Variants in VWCE observed in about 807,000 individuals in gnomAD.
The protein encoded by VWCE is von Willebrand factor C and EGF domain-containing protein.
In VWCE, 68 loss-of-function variants were observed where a neutral mutation model predicts 102.9. The ratio of observed to expected loss-of-function variants is 0.66; its 90% CI spans 0.54 to 0.81. VWCE has a LOEUF of 0.81. Ranked by LOEUF, VWCE falls within the 30% of genes least tolerant of loss-of-function variation. VWCE has a pLI of 0.00. For synonymous variants in VWCE, 497 were observed against 515.4 expected, an observed-to-expected ratio of 0.96 and a Z score of 0.48; for missense variants, 1,137 against 1,263.6, an observed-to-expected ratio of 0.90 and a Z score of 1.52.
intron 13 of VWCE, among the ~76,000 whole-genome samples, chr11:61,272,961 C>G (rs1342938560): frequency 6.6e-6 from 1 of 151,896 alleles, no homozygotes; most frequent in Admixed American, 6.6e-5. Context: ...TACGCAGGTA[C>G]CACTAACACA....
intron 1 of VWCE, among the ~76,000 whole-genome samples, chr11:61,293,254 A>G (rs1855569770): frequency 6.7e-6 from 1 of 149,058 alleles, no homozygotes; most frequent in Non-Finnish European, 1.5e-5. Context: ...AAAAAAAAAA[A>G]AAAAAAAAAA....
chr11:61,282,755 A>C lies in VWCE; in HGVS notation c.658+34T>G, dbSNP rs762867910. On this transcript the variant is annotated intron_variant, in intron 6 of 19. Transcript: ENST00000335613. The stretch of plus-strand genomic sequence containing the variant: ...TGTCCATCCTCCTGATTGGCAGCCT[A>C]AGTGTGCAGACCACAGGGTCCTCCC... 3 of 1,562,628 alleles carry C rather than the reference A, an allele frequency of 1.9e-6. No homozygotes were observed. In the African/African-American group the frequency reaches 4.1e-5, roughly 21 times the overall value.
rs77900193 is a variant in VWCE at position 61,274,223 on chromosome 11, G to A, written c.1581+276C>T. ...GGGCACCCGGCCATCAACCCACCTA[G>A]GCAGTGGGCTTCCGGACCAAGGGGA... On this transcript the variant is annotated intron_variant, in intron 12 of 19. Coordinates refer to ENST00000335613, the MANE Select transcript of VWCE (RefSeq NM_152718.2). Among the ~76,000 whole-genome samples, 502 of 152,222 alleles carry A rather than the reference G, an allele frequency of 3.3e-3. 5 individuals are homozygous for A. Among genetic ancestry groups the A allele is most frequent in the African/African-American group, 0.012 (487 of 41,526 alleles).
At chr11:61,274,040 C>T (rs544474695) in intron 12 of VWCE, among the ~76,000 whole-genome samples, 15 of 152,128 alleles carry the variant, frequency 9.9e-5, no homozygotes, top group Non-Finnish European at 2.1e-4. Flanking sequence ...GCAGCCTTGC[C>T]GCCTGCCTGA....
chr11:61,276,540 C>CA, intron 11 of VWCE, 53 bp downstream of exon 11: 10 of 1,268,198 alleles, frequency 7.9e-6, no homozygotes, highest in East Asian at 3.0e-5. Context: ...GTGAGGTCTA[C>CA]AAAAAATCTA....
At chr11:61,267,319 G>A (rs183987952) in intron 16 of VWCE, 143 bp downstream of exon 16, 1 of 800,994 alleles carries the variant, frequency 1.2e-6, no homozygotes, top group Admixed American at 2.2e-5. Flanking sequence ...ACCCTGGGCA[G>A]GACTGGAGGG....
At chr11:61,293,703 C>T (rs1180230387) in intron 1 of VWCE, among the ~76,000 whole-genome samples, 2 of 152,230 alleles carry the variant, frequency 1.3e-5, no homozygotes, top group Non-Finnish European at 2.9e-5. Context: ...AAAGCACCCA[C>T]TCTGCGCTGG....
At chr11:61,290,757 G>A (rs746814467) in intron 4 of VWCE, 42 bp downstream of exon 4, 9 of 1,572,308 alleles carry the variant, frequency 5.7e-6, no homozygotes, top group East Asian at 2.3e-5. Context: ...TATAATTCCC[G>A]CTGTCCCCCT....
rs947919828 is a variant in VWCE at position 61,258,511 on chromosome 11, G to A, written c.*164C>T. ...ACAGCACATTCCAAACACTTCTTGG[G>A]AACAAGGTTACATCCAGCCTTGGGG... On this transcript the variant is annotated 3_prime_UTR_variant, in exon 20 of 20. Transcript: ENST00000335613. 18 of 656,858 alleles carry A rather than the reference G, an allele frequency of 2.7e-5. No individual in the cohort carries two copies. In the African/African-American group the frequency reaches 3.0e-4, roughly 11 times the overall value. The allele number at this position is 656,858 out of a possible 1,614,324, so 40.7% of individuals were successfully genotyped here. A position where few individuals can be genotyped will look rare whatever the true frequency, so the allele number is the denominator to read the frequency against.
At chr11:61,278,318 G>C (rs1227254520) in intron 10 of VWCE, 76 bp downstream of exon 10, 8 of 1,501,474 alleles carry the variant, frequency 5.3e-6, no homozygotes, top group Non-Finnish European at 7.4e-6. Flanking sequence ...TTAACATCCG[G>C]TCTTTTCCCC....
intron 19 of VWCE, 135 bp from the exon 20 acceptor site, chr11:61,259,447 G>A: frequency 1.8e-6 from 2 of 1,136,644 alleles, no homozygotes; most frequent in Non-Finnish European, 2.4e-6. Flanking sequence ...GGACCAGCCA[G>A]CTCCTGCCTC....
chr11:61,265,844 G>A (rs889302353), intron 16 of VWCE, among the ~76,000 whole-genome samples: 4 of 151,882 alleles, frequency 2.6e-5, no homozygotes, highest in Admixed American at 1.3e-4. Flanking sequence ...TCAGGAGTTC[G>A]AGACCAGCCT....
chr11:61,270,868 C>A (rs1854671253), intron 14 of VWCE, among the ~76,000 whole-genome samples: 1 of 149,234 alleles, frequency 6.7e-6, no homozygotes, highest in African/African-American at 2.5e-5. Context: ...TTCTCTTCTG[C>A]CCAGGCTGGA....
intron 14 of VWCE, among the ~76,000 whole-genome samples, chr11:61,270,937 C>A (rs2134762597): frequency 6.6e-6 from 1 of 151,412 alleles, no homozygotes; most frequent in East Asian, 1.9e-4. Context: ...GCCTCAGGAG[C>A]TGAGGAAGCG....
intron 4 of VWCE, among the ~76,000 whole-genome samples, chr11:61,287,794 A>G (rs1334287875): frequency 6.6e-6 from 1 of 152,156 alleles, no homozygotes; most frequent in Admixed American, 6.5e-5. Flanking sequence ...AACTGTACTG[A>G]GGCCCAGAGT....
chr11:61,265,790 A>G (rs1262551491), intron 16 of VWCE, among the ~76,000 whole-genome samples: 1 of 152,238 alleles, frequency 6.6e-6, no homozygotes, highest in East Asian at 1.9e-4. Flanking sequence ...TCACACCTGT[A>G]ATCCCAACAT....
chr11:61,258,678 C>T lies in VWCE; in HGVS notation c.2865G>A (p.Met955Ile). The T allele has an allele frequency of 1.4e-6, 2 of 1,390,450 alleles. No individual in the cohort carries two copies. Among genetic ancestry groups the T allele is most frequent in the Non-Finnish European group, 1.9e-6 (2 of 1,069,080 alleles). The allele number at this position is 1,390,450 out of a possible 1,614,324, so 86.1% of individuals were successfully genotyped here. A position where few individuals can be genotyped will look rare whatever the true frequency, so the allele number is the denominator to read the frequency against. ...TCTCCCGGACACAGTGACCTCCTTA[C>T]ATGGTGGACTCTTCCCCCCGAGAAG... ...VGASRGEEST[M>I] Residue 955 changes from methionine (M) to isoleucine (I), a missense_variant, in exon 20 of 20, where the codon ATG becomes ATA. This residue lies in a region of VWCE where 316 missense variants were observed against 319.3 expected (regional missense o/e 0.99). Coordinates refer to ENST00000335613, the MANE Select transcript of VWCE (RefSeq NM_152718.2).
At chr11:61,270,583 T>C (rs1256932090) in intron 14 of VWCE, among the ~76,000 whole-genome samples, 2 of 152,254 alleles carry the variant, frequency 1.3e-5, no homozygotes, top group African/African-American at 2.4e-5. Flanking sequence ...TAGCTGTGTT[T>C]GCATTGTTGT....
intron 13 of VWCE, 111 bp from the exon 14 acceptor site, chr11:61,271,871 C>A (rs1367338670): frequency 1.1e-6 from 1 of 897,332 alleles, no homozygotes; most frequent in East Asian, 2.7e-5. Context: ...ATCACTCACA[C>A]ACGGACACAC....
Sources: allele counts gnomAD v4.1 joint callset (sites outside exome capture counted in the v4.1 genomes callset), GRCh38; gene constraint gnomAD v4.1.1; regional missense constraint gnomAD v4.1.1; transcripts MANE v1.5; gene names NCBI Gene and HGNC (gene_info 2026-07-23, HGNC 2026-07-21).